Variants in PRCD observed in about 807,000 individuals in gnomAD.
PRCD encodes the protein photoreceptor disc component.
PRCD carries 12 observed loss-of-function variants against 10.1 expected under a neutral mutation model. That is an observed-to-expected ratio of 1.18 (90% CI 0.76 to 1.92). The LOEUF is 1.92. PRCD is among the 40% of genes most tolerant of loss of function. The pLI is 0.00. For missense variants in PRCD, 61 were observed against 72.2 expected (o/e 0.84, Z 0.56); for synonymous variants, 31 against 26.2 (o/e 1.18, Z -0.56).
chr17:76,537,282 G>C, upstream of PRCD: 1 of 1,193,680 alleles, frequency 8.4e-7, no homozygotes, highest in Non-Finnish European at 1.1e-6. Context: ...ACCTCGGACC[G>C]GCCCCATTCG....
intron 1 of PRCD, chr17:76,550,897 C>A (rs2075102910): frequency 6.6e-6 from 1 of 152,272 alleles, no homozygotes; most frequent in African/African-American, 2.4e-5. Context: ...CCCCGAAGCA[C>A]TGATTTAACG....
chr17:76,552,715 T>A (rs1443067261), intron 1 of PRCD: 1 of 151,024 alleles, frequency 6.6e-6, no homozygotes, highest in African/African-American at 2.4e-5. Context: ...AATACAAAAA[T>A]TAGCTGGGTG....
chr17:76,544,192 A>C lies in PRCD; in HGVS notation c.*542A>C, dbSNP rs774760932. Reference sequence around the variant, plus strand: ...GTCTCACAGCTATTAGTCTTCAAAAACCCCCCGTGCCTCTGTGCACACGCG... The same window carrying C: ...GTCTCACAGCTATTAGTCTTCAAAACCCCCCCGTGCCTCTGTGCACACGCG... On this transcript the variant is annotated 3_prime_UTR_variant, in exon 5 of 5. Coordinates refer to ENST00000592014, the MANE Select transcript of PRCD (RefSeq NM_001077620.3). 3.6e-4 allele frequency: 164 copies of C among 449,528 alleles called. No homozygotes were observed. The highest frequency in any genetic ancestry group is 1.1e-3 in the African/African-American group (55 of 48,338). The allele number at this position is 449,528 out of a possible 1,614,324, so 27.8% of individuals were successfully genotyped here.
chr17:76,531,412 C>T lies in PRCD; in HGVS notation n.45+3579C>T. Reference sequence around the variant, plus strand: ...CGCAGAGCCTGCGAGCTGCAGATGGCCATGACGCGTGGGCGGTGGGGGCTC... The same window carrying T: ...CGCAGAGCCTGCGAGCTGCAGATGGTCATGACGCGTGGGCGGTGGGGGCTC... On this transcript the variant is annotated intron_variant and non_coding_transcript_variant, in intron 1 of 4. Transcript: ENST00000397633. The surrounding 1 kb of genome is among the most constrained non-coding windows in gnomAD (Gnocchi z 7.4). The T allele has an allele frequency of 6.3e-7, 1 of 1,576,036 alleles. No homozygotes were observed. Among genetic ancestry groups the T allele is most frequent in the East Asian group, 2.3e-5 (1 of 44,114 alleles).
chr17:76,536,306 A>G (rs2074913214), upstream of PRCD, among the ~76,000 whole-genome samples: 1 of 152,182 alleles, frequency 6.6e-6, no homozygotes, highest in Non-Finnish European at 1.5e-5. Flanking sequence ...GGCCACAGGG[A>G]GAAGAAGCTG....
intron 3 of PRCD, 141 bp from the exon 4 acceptor site, chr17:76,542,888 C>A: frequency 1.7e-6 from 1 of 591,878 alleles, no homozygotes; most frequent in South Asian, 1.6e-5. Context: ...TTGGGGATGG[C>A]GAGGTGGTCG....
In PRCD at chr17:76,530,016, C is replaced by T; in HGVS notation, n.45+2183C>T. ...GCCCTCAGGGGACCTCCTCCAGGAG[C>T]TGTGCCTGTGAACAGAAGGGCCGGC... is the stretch of plus-strand genomic sequence containing the variant. On this transcript the variant is annotated intron_variant and non_coding_transcript_variant, in intron 1 of 4. Transcript: ENST00000397633. This position sits in a 1 kb window ranked among gnomAD's most constrained non-coding sequence, Gnocchi z 6.1. 2 of 985,372 alleles carry T rather than the reference C, an allele frequency of 2.0e-6. No homozygotes were observed. Among genetic ancestry groups the T allele is most frequent in the Non-Finnish European group, 2.4e-6 (2 of 829,910 alleles). 61.0% of individuals were successfully genotyped at this position (985,372 alleles called of 1,614,324 possible).
intron 1 of PRCD, chr17:76,552,101 T>TA (rs1260831323): frequency 6.6e-6 from 1 of 152,230 alleles, no homozygotes; most frequent in Non-Finnish European, 1.5e-5. Flanking sequence ...TGGGAAGAAT[T>TA]ATTTTTAAAA....
Position 76,544,241 on chromosome 17 carries a change from C to T in PRCD, c.*591C>T, listed in dbSNP as rs1275409168. Reference sequence around the variant, plus strand: ...CGTCTCTCCTCCCCAGCCAGCCCCCCTCCCAGCCCAGCGGCGATGTCTCTG... The same window carrying T: ...CGTCTCTCCTCCCCAGCCAGCCCCCTTCCCAGCCCAGCGGCGATGTCTCTG... On this transcript the variant is annotated 3_prime_UTR_variant, in exon 5 of 5. Coordinates refer to ENST00000592014, the MANE Select transcript of PRCD (RefSeq NM_001077620.3). 4.4e-6 allele frequency: 2 copies of T among 454,468 alleles called. No homozygotes were observed. Among genetic ancestry groups the T allele is most frequent in the Admixed American group, 2.3e-5 (1 of 42,558 alleles). The allele number at this position is 454,468 out of a possible 1,614,324, so 28.2% of individuals were successfully genotyped here.
chr17:76,540,591 G>T lies in PRCD; in HGVS notation c.143+18G>T. On this transcript the variant is annotated intron_variant, in intron 2 of 4. Transcript: ENST00000592014. This position sits in a 1 kb window ranked among gnomAD's most constrained non-coding sequence, Gnocchi z 5.0. Reference sequence around the variant, plus strand: ...TCAGGCAGGTAAGGCAGGAGTCTGGGCTGGGGGAGGGAGGGTGCTGCCAAG... The same window carrying T: ...TCAGGCAGGTAAGGCAGGAGTCTGGTCTGGGGGAGGGAGGGTGCTGCCAAG... 6.2e-7 allele frequency: 1 copy of T among 1,612,146 alleles called. No homozygotes were observed. Among genetic ancestry groups the T allele is most frequent in the Non-Finnish European group, 8.5e-7 (1 of 1,178,930 alleles).
chr17:76,544,063 A>G lies in PRCD; in HGVS notation c.*413A>G, dbSNP rs775233504. 2 of 454,586 alleles carry G rather than the reference A, an allele frequency of 4.4e-6. No individual in the cohort carries two copies. The highest frequency in any genetic ancestry group is 6.9e-4 in the Middle Eastern group (1 of 1,454). The allele number at this position is 454,586 out of a possible 1,614,324, so 28.2% of individuals were successfully genotyped here. A position where few individuals can be genotyped will look rare whatever the true frequency, so the allele number is the denominator to read the frequency against. On this transcript the variant is annotated 3_prime_UTR_variant, in exon 5 of 5. Transcript: ENST00000592014. ...CTCCTTTGCCCCCAGCTGCTCTGCC[A>G]TTTCTCTCTTTTCAATCCTGCATGA... is the stretch of plus-strand genomic sequence containing the variant.
In PRCD at chr17:76,531,064, C is replaced by A; in HGVS notation, n.45+3231C>A. On this transcript the variant is annotated intron_variant and non_coding_transcript_variant, in intron 1 of 4. Transcript: ENST00000397633. This position sits in a 1 kb window ranked among gnomAD's most constrained non-coding sequence, Gnocchi z 7.4. ...CTGTAGATGAGGCCACGCAGCTTGG[C>A]CCAGGCTCTCTGCGTCTCAGGTGGG... 6.2e-7 allele frequency: 1 copy of A among 1,613,970 alleles called. No homozygotes were observed. Among genetic ancestry groups the A allele is most frequent in the Non-Finnish European group, 8.5e-7 (1 of 1,179,950 alleles).
chr17:76,530,957 C>A lies in PRCD; in HGVS notation n.45+3124C>A, dbSNP rs1415825266. The A allele has an allele frequency of 3.2e-6, 5 of 1,552,246 alleles. No individual in the cohort carries two copies. Among genetic ancestry groups the A allele is most frequent in the Non-Finnish European group, 2.6e-6 (3 of 1,146,040 alleles). On this transcript the variant is annotated intron_variant and non_coding_transcript_variant, in intron 1 of 4. Coordinates refer to the PRCD transcript ENST00000397633. The surrounding 1 kb of genome is among the most constrained non-coding windows in gnomAD (Gnocchi z 6.1). ...GGACATGGCGGGGAGGCTGCCCAGCCCACCCTCGCCCGCCTCCTCACGTGG... is the reference window on the plus strand; with the variant it reads ...GGACATGGCGGGGAGGCTGCCCAGCACACCCTCGCCCGCCTCCTCACGTGG...
At chr17:76,541,733 G>A (rs540390391) in intron 2 of PRCD, among the ~76,000 whole-genome samples, 8 of 152,282 alleles carry the variant, frequency 5.3e-5, no homozygotes, top group African/African-American at 1.7e-4. Flanking sequence ...CCCCCGATAG[G>A]AGGCCCTCAA....
chr17:76,529,401 C>T (rs989769946), intron 1 of PRCD: 49 of 985,224 alleles, frequency 5.0e-5, no homozygotes, highest in Non-Finnish European at 5.5e-5. Flanking sequence ...AGACTTCGGC[C>T]GTTTCAAAAT....
At chr17:76,546,728 T>C, downstream of PRCD, 1 of 152,252 alleles carries the variant, frequency 6.6e-6, no homozygotes, top group East Asian at 1.9e-4. The surrounding 1 kb of genome is among the most constrained non-coding windows in gnomAD (Gnocchi z 4.5). Context: ...AACATAATGA[T>C]GATACTAATC....
At chr17:76,529,005 C>T (rs923771473) in intron 1 of PRCD, 10 of 999,276 alleles carry the variant, frequency 1.0e-5, no homozygotes, top group Admixed American at 6.0e-5. Context: ...TCTGTATTCT[C>T]GTATTCTCGG....
chr17:76,530,435 TGCGTGTGA>T lies in PRCD; in HGVS notation n.45+2606_45+2613del, dbSNP rs138591504. 4.1e-3 allele frequency among the ~76,000 whole-genome samples: 631 copies of T among 152,320 alleles called. 1 individual carries two copies. Among genetic ancestry groups the T allele is most frequent in the Middle Eastern group, 0.01 (3 of 294 alleles). ...GGAAGTAAACATGCCCCTGCTCGTG[TGCGTGTGA>T]GCGACACCCATGTAGCTTCCTCGTG... On this transcript the variant is annotated intron_variant and non_coding_transcript_variant, in intron 1 of 4. Transcript: ENST00000397633. The surrounding 1 kb of genome is among the most constrained non-coding windows in gnomAD (Gnocchi z 6.1).
In PRCD at chr17:76,544,414, C is replaced by T. The variant is rs886053479; in HGVS notation, c.*764C>T. 4.4e-6 allele frequency: 2 copies of T among 454,712 alleles called. No individual in the cohort carries two copies. The highest frequency in any genetic ancestry group is 8.8e-6 in the Non-Finnish European group (2 of 226,962). 28.2% of individuals were successfully genotyped at this position (454,712 alleles called of 1,614,324 possible). ...CAGAGGGAACCGCTGGGGAGGCGCT[C>T]AGGGTGGGGGAGGAGGTGCACCCCG... On this transcript the variant is annotated 3_prime_UTR_variant, in exon 5 of 5. Transcript: ENST00000592014.
Sources: gnomAD v4.1 joint callset for allele counts (sites outside exome capture counted in the v4.1 genomes callset) on GRCh38, gnomAD v4.1.1 for gene constraint, Gnocchi (gnomAD v3.1) non-coding constraint, MANE v1.5 for transcripts, NCBI Gene and HGNC (gene_info 2026-07-23, HGNC 2026-07-21) for gene names.